Variants in INPP4B observed in about 807,000 individuals in gnomAD.
INPP4B encodes the protein inositol polyphosphate-4-phosphatase type II B, also known as inositol polyphosphate 4-phosphatase type II.
INPP4B carries 55 observed loss-of-function variants against 122.5 expected under a neutral mutation model. The ratio of observed to expected loss-of-function variants is 0.45; its 90% CI spans 0.36 to 0.56. The LOEUF is 0.56. Among genes scored for constraint, INPP4B ranks in the 20% least tolerant of loss-of-function variants. The pLI, the probability that INPP4B is intolerant of heterozygous loss-of-function variation, is 0.00. For synonymous variants in INPP4B, 403 were observed against 388.7 expected (o/e 1.04, Z -0.43); for missense variants, 1,000 against 1,097.7 (o/e 0.91, Z 1.26).
intron 1 of INPP4B, among the ~76,000 whole-genome samples, chr4:142,739,891 C>T (rs763201361): frequency 2.6e-5 from 4 of 151,960 alleles, no homozygotes; most frequent in African/African-American, 7.2e-5. Flanking sequence ...TATATTATTG[C>T]TCTTACTCTT....
intron 23 of INPP4B, among the ~76,000 whole-genome samples, chr4:142,099,364 T>A (rs1783487535): frequency 6.6e-6 from 1 of 152,196 alleles, no homozygotes; most frequent in Non-Finnish European, 1.5e-5. Context: ...GCCATCTCGA[T>A]GTTTCCAAAT....
At chr4:142,188,556 T>A (rs1207701066) in intron 15 of INPP4B, among the ~76,000 whole-genome samples, 1 of 136,060 alleles carries the variant, frequency 7.3e-6, no homozygotes, top group Non-Finnish European at 1.6e-5. Context: ...TACAAAATAG[T>A]AAGCATAGTT....
intron 1 of INPP4B, among the ~76,000 whole-genome samples, chr4:142,739,085 A>G (rs569237370): frequency 7.4e-4 from 113 of 152,248 alleles, no homozygotes; most frequent in African/African-American, 2.5e-3. Flanking sequence ...ATAACAAAAT[A>G]AAACCCTCAA....
chr4:142,248,423 C>T (rs181102455), intron 11 of INPP4B, among the ~76,000 whole-genome samples: 105 of 150,512 alleles, frequency 7.0e-4, no homozygotes, highest in African/African-American at 2.2e-3. Context: ...CTGCAACCTC[C>T]GCCTCCCGGG....
chr4:142,104,310 G>A (rs1785933672), intron 23 of INPP4B, among the ~76,000 whole-genome samples: 1 of 152,150 alleles, frequency 6.6e-6, no homozygotes, highest in Non-Finnish European at 1.5e-5. Context: ...GTGATTTACA[G>A]ACGTACTATT....
chr4:142,115,333 A>G (rs1792570826), intron 21 of INPP4B, among the ~76,000 whole-genome samples: 1 of 152,176 alleles, frequency 6.6e-6, no homozygotes, highest in Admixed American at 6.6e-5. Flanking sequence ...ATTCCTCGAG[A>G]AGAGCAACTC....
chr4:142,659,634 C>T (rs1371509550), intron 2 of INPP4B, among the ~76,000 whole-genome samples: 4 of 151,988 alleles, frequency 2.6e-5, no homozygotes, highest in African/African-American at 4.8e-5. Flanking sequence ...AGTAATTATC[C>T]TTCAAATCCT....
intron 11 of INPP4B, among the ~76,000 whole-genome samples, chr4:142,259,593 AAATAATAAT>A (rs71957973): frequency 6.7e-6 from 1 of 149,844 alleles, no homozygotes; most frequent in Non-Finnish European, 1.5e-5. Flanking sequence ...AAAAAATATA[AAATAATAAT>A]AATAATAAAT....
At chr4:142,542,366 T>C (rs1829038559) in intron 2 of INPP4B, among the ~76,000 whole-genome samples, 1 of 152,204 alleles carries the variant, frequency 6.6e-6, no homozygotes, top group Admixed American at 6.6e-5. Flanking sequence ...AACTCATTGA[T>C]ACAATAATCA....
intron 1 of INPP4B, among the ~76,000 whole-genome samples, chr4:142,822,904 T>G (rs1431565995): frequency 6.6e-6 from 1 of 152,214 alleles, no homozygotes; most frequent in Non-Finnish European, 1.5e-5. Context: ...TACAAAGGTT[T>G]CTTTCTCATT....
intron 25 of INPP4B, among the ~76,000 whole-genome samples, chr4:142,079,103 T>A (rs1170087173): frequency 6.6e-6 from 1 of 152,032 alleles, no homozygotes; most frequent in Non-Finnish European, 1.5e-5. Flanking sequence ...TGTTTTATTA[T>A]AAAATTGAAC....
At chr4:142,122,369 C>G in intron 20 of INPP4B, 124 bp from the exon 21 acceptor site, 1 of 714,564 alleles carries the variant, frequency 1.4e-6, no homozygotes, top group East Asian at 2.8e-5. Flanking sequence ...TGCAGTGAAC[C>G]TACTCTAGAC....
chr4:142,075,051 G>A (rs1382212793), intron 25 of INPP4B, among the ~76,000 whole-genome samples: 2 of 151,910 alleles, frequency 1.3e-5, no homozygotes, highest in Non-Finnish European at 2.9e-5. Context: ...TGTTCTTGTG[G>A]GAATTAGCAG....
intron 7 of INPP4B, among the ~76,000 whole-genome samples, chr4:142,371,736 A>G (rs1237483428): frequency 6.6e-6 from 1 of 152,132 alleles, no homozygotes; most frequent in Non-Finnish European, 1.5e-5. Context: ...ATGAGATATC[A>G]TCTCACCCCA....
intron 2 of INPP4B, among the ~76,000 whole-genome samples, chr4:142,720,793 C>CTATATATA (rs1253977495): frequency 2.7e-5 from 1 of 37,392 alleles, no homozygotes; most frequent in African/African-American, 8.7e-5. Flanking sequence ...CTCTCTCTCT[C>CTATATATA]TCTCTCTCTC....
intron 19 of INPP4B, 62 bp downstream of exon 19, chr4:142,124,526 T>A: frequency 7.0e-7 from 1 of 1,421,398 alleles, no homozygotes; most frequent in Non-Finnish European, 9.8e-7. Flanking sequence ...CTATTCATCA[T>A]CAAGGATAGG....
chr4:142,069,215 C>A (rs1765479844), intron 25 of INPP4B, among the ~76,000 whole-genome samples: 1 of 152,130 alleles, frequency 6.6e-6, no homozygotes, highest in Non-Finnish European at 1.5e-5. Flanking sequence ...AACTGAACAA[C>A]CTGCTCCTGA....
chr4:142,245,984 GTA>G (rs1168026119), intron 11 of INPP4B, among the ~76,000 whole-genome samples: 6 of 133,072 alleles, frequency 4.5e-5, no homozygotes, highest in Non-Finnish European at 3.2e-5. Flanking sequence ...ATGTGTGTAT[GTA>G]TACATATATA....
Position 142,112,434 on chromosome 4 carries a change from T to C in INPP4B, c.2276+108A>G. On this transcript the variant is annotated intron_variant, in intron 22 of 25. Transcript: ENST00000262992. ...TTGATACTGATAAAAAGAAAAATGT[T>C]ACTCATAAATTGATGTTAGTTCTAC... is the stretch of plus-strand genomic sequence containing the variant. 5 of 1,099,572 alleles carry C rather than the reference T, an allele frequency of 4.5e-6. No homozygotes were observed. In the Middle Eastern group the frequency reaches 8.7e-4, roughly 192 times the overall value. The allele number at this position is 1,099,572 out of a possible 1,614,324, so 68.1% of individuals were successfully genotyped here. A position where few individuals can be genotyped will look rare whatever the true frequency, so the allele number is the denominator to read the frequency against.
Sources: gnomAD v4.1 joint callset for allele counts (sites outside exome capture counted in the v4.1 genomes callset) on GRCh38, gnomAD v4.1.1 for gene constraint, MANE v1.5 for transcripts, NCBI Gene and HGNC (gene_info 2026-07-23, HGNC 2026-07-21) for gene names.